Variants in NOTO observed in about 807,000 individuals in gnomAD.
NOTO encodes the protein notochord homeobox, also known as homeobox protein notochord.
Under a neutral mutation model 20.5 loss-of-function variants are expected in NOTO, and 19 were observed. That is an observed-to-expected ratio of 0.93 (90% confidence interval 0.65 to 1.36). NOTO has a LOEUF of 1.36. NOTO is among the 40% of genes most tolerant of loss of function. The pLI is 0.00. For missense variants in NOTO, 369 were observed against 336.2 expected, an observed-to-expected ratio of 1.10 and a Z score of -0.76; for synonymous variants, 150 against 150.2, an observed-to-expected ratio of 1.00 and a Z score of 0.01.
rs1483228816 is a variant in NOTO at position 73,208,536 on chromosome 2, A to C, written c.519A>C (p.Lys173Asn). 4 of 1,551,668 alleles carry C rather than the reference A, an allele frequency of 2.6e-6. No individual in the cohort carries two copies. The highest frequency in any genetic ancestry group is 1.2e-5 in the South Asian group (1 of 84,066). Residue 173 changes from lysine (K) to asparagine (N), a missense_variant, in exon 2 of 3, where the codon AAA becomes AAC. Physicochemically the swap from Lys to Asn is moderately conservative, Grantham distance 94. Transcript: ENST00000398468. ...TGGAGCAGCTGGAAGAGTTGGAGAA[A>C]GTGTTTGCAAAACAGCACAATCTGG... ...FNLEQLEELEKVFAKQHNLVG... is the reference protein window; with the variant it reads ...FNLEQLEELENVFAKQHNLVG...
intron 2 of NOTO, among the ~76,000 whole-genome samples, chr2:73,209,286 C>A (rs7587072): frequency 0.3 from 45,982 of 151,592 alleles, 7,189 homozygotes; most frequent in African/African-American, 0.38. Flanking sequence ...TATATAATTT[C>A]TCTGCTCCTT....
intron 1 of NOTO, among the ~76,000 whole-genome samples, chr2:73,205,880 T>C (rs772465227): frequency 1.3e-5 from 2 of 152,150 alleles, no homozygotes; most frequent in Non-Finnish European, 2.9e-5. Context: ...ACCACAGGCA[T>C]GCGCTACCAT....
intron 1 of NOTO, among the ~76,000 whole-genome samples, chr2:73,206,886 C>A (rs1667728531): frequency 6.7e-6 from 1 of 149,178 alleles, no homozygotes; most frequent in Admixed American, 6.8e-5. Context: ...CTTCCGCCTT[C>A]CAGGTTCAAG....
chr2:73,203,461 C>T (rs1445042870), intron 1 of NOTO, among the ~76,000 whole-genome samples: 2 of 140,200 alleles, frequency 1.4e-5, no homozygotes, highest in African/African-American at 6.0e-5. Flanking sequence ...ACCAATGGCC[C>T]TGTTTTTTTT....
chr2:73,208,321 C>T (rs963637727), intron 1 of NOTO, 79 bp from the exon 2 acceptor site: 5 of 932,660 alleles, frequency 5.4e-6, no homozygotes, highest in African/African-American at 4.9e-5. Context: ...TCTCATTTTG[C>T]CCAGATGGGA....
intron 1 of NOTO, among the ~76,000 whole-genome samples, chr2:73,207,976 C>T (rs1370764296): frequency 6.6e-6 from 1 of 152,198 alleles, no homozygotes; most frequent in Non-Finnish European, 1.5e-5. Flanking sequence ...TGAAACCATG[C>T]ATGACACACA....
In NOTO at chr2:73,210,882, A is replaced by C; in HGVS notation, c.709A>C (p.Ile237Leu). ...ASLDEPSSSSIASIQSDDAES... is the reference protein window; with the variant it reads ...ASLDEPSSSSLASIQSDDAES... ...CCTGGATGAGCCTTCCAGCAGCTCC[A>C]TCGCCAGTATCCAGAGTGATGATGC... Residue 237 changes from isoleucine (I) to leucine (L), a missense_variant, in exon 3 of 3, where the codon ATC becomes CTC. Ile to Leu is a conservative substitution (Grantham distance 5, BLOSUM62 2). Transcript: ENST00000398468. The C allele has an allele frequency of 6.4e-7, 1 of 1,551,656 alleles. No individual in the cohort carries two copies. The highest frequency in any genetic ancestry group is 8.7e-7 in the Non-Finnish European group (1 of 1,146,942).
intron 2 of NOTO, among the ~76,000 whole-genome samples, chr2:73,210,335 C>T (rs549812591): frequency 1.8e-3 from 271 of 148,472 alleles, no homozygotes; most frequent in Admixed American, 2.9e-3. Context: ...CAGACCTGCT[C>T]TTCTCTGTCC....
intron 1 of NOTO, 77 bp downstream of exon 1, chr2:73,203,125 A>G (rs954718981): frequency 2.4e-6 from 3 of 1,233,524 alleles, no homozygotes; most frequent in Non-Finnish European, 3.2e-6. Context: ...CCGGCGCCCC[A>G]GTGCAGGAGA....
At chr2:73,209,567 C>T (rs1686140054) in intron 2 of NOTO, among the ~76,000 whole-genome samples, 1 of 152,192 alleles carries the variant, frequency 6.6e-6, no homozygotes, top group Non-Finnish European at 1.5e-5. Flanking sequence ...AGACACCATG[C>T]TGTCTAGTTT....
Position 73,203,865 on chromosome 2 carries a change from C to CTAAAG in NOTO, c.382+817_382+818insTAAAG, listed in dbSNP as rs1419414059. Among the ~76,000 whole-genome samples the CTAAAG allele has an allele frequency of 2.5e-3, 338 of 136,420 alleles. 1 individual carries two copies. The highest frequency in any genetic ancestry group is 4.1e-3 in the African/African-American group (130 of 31,886). 89.5% of individuals were successfully genotyped at this position (136,420 alleles called of 152,430 possible). A position where few individuals can be genotyped will look rare whatever the true frequency, so the allele number is the denominator to read the frequency against. ...CCTGTAATCCCAGCACTTTGGGAGG[C>CTAAAG]CGAGACGGGCGGATCACGAGGTCAG... On this transcript the variant is annotated intron_variant, in intron 1 of 2. Coordinates refer to ENST00000398468, the MANE Select transcript of NOTO (RefSeq NM_001134462.2).
Position 73,211,251 on chromosome 2 carries a change from C to T in NOTO, c.*322C>T. 1 of 249,318 alleles carries T rather than the reference C, an allele frequency of 4.0e-6. No homozygotes were observed. The highest frequency in any genetic ancestry group is 7.7e-6 in the Non-Finnish European group (1 of 130,192). The allele number at this position is 249,318 out of a possible 1,614,324, so 15.4% of individuals were successfully genotyped here. A position where few individuals can be genotyped will look rare whatever the true frequency, so the allele number is the denominator to read the frequency against. ...GTCTGTAAAGCAATAATGTGCCATG[C>T]ACAGTGCAAAGTGTGTGGTTACTGT... On this transcript the variant is annotated 3_prime_UTR_variant, in exon 3 of 3. Coordinates refer to ENST00000398468, the MANE Select transcript of NOTO (RefSeq NM_001134462.2).
chr2:73,210,137 C>T (rs1686158330), intron 2 of NOTO, among the ~76,000 whole-genome samples: 1 of 152,200 alleles, frequency 6.6e-6, no homozygotes, highest in African/African-American at 2.4e-5. Context: ...CACGTAAAAG[C>T]CTCATGGGTG....
Position 73,202,990 on chromosome 2 carries a change from C to A in NOTO, c.324C>A (p.Tyr108Ter). 1.4e-6 allele frequency: 2 copies of A among 1,480,854 alleles called. No individual in the cohort carries two copies. Among genetic ancestry groups the A allele is most frequent in the African/African-American group, 1.5e-5 (1 of 68,294 alleles). The allele number at this position is 1,480,854 out of a possible 1,614,324, so 91.7% of individuals were successfully genotyped here. Residue 108 changes from tyrosine to a stop codon, truncating the protein, a stop_gained, in exon 1 of 3, where the codon TAC becomes TAA. Transcript: ENST00000398468. LOFTEE classifies it high-confidence loss of function. ...WLPAYLSVGF[Y>*]PVPGPRVAPV... ...CCGCCTACCTGAGCGTAGGTTTTTACCCTGTGCCAGGGCCGCGCGTGGCTC... is the reference window on the plus strand; with the variant it reads ...CCGCCTACCTGAGCGTAGGTTTTTAACCTGTGCCAGGGCCGCGCGTGGCTC...
At chr2:73,207,257 G>A (rs1390018021) in intron 1 of NOTO, among the ~76,000 whole-genome samples, 1 of 152,086 alleles carries the variant, frequency 6.6e-6, no homozygotes, top group African/African-American at 2.4e-5. Flanking sequence ...AGCCTAGTGG[G>A]CCCAGTGGTT....
intron 1 of NOTO, among the ~76,000 whole-genome samples, chr2:73,205,825 A>G (rs1200619435): frequency 6.6e-6 from 1 of 151,632 alleles, no homozygotes; most frequent in Non-Finnish European, 1.5e-5. Context: ...TTTTTTGTAG[A>G]GATGGAATCT....
chr2:73,208,370 T>C, intron 1 of NOTO, 30 bp from the exon 2 acceptor site: 1 of 1,499,948 alleles, frequency 6.7e-7, no homozygotes, highest in Non-Finnish European at 9.1e-7. Context: ...TGCTGCTGGA[T>C]AACCTCCCCT....
intron 1 of NOTO, among the ~76,000 whole-genome samples, chr2:73,204,296 A>G (rs1686055250): frequency 6.6e-6 from 1 of 152,120 alleles, no homozygotes; most frequent in African/African-American, 2.4e-5. Flanking sequence ...AAATCAACAA[A>G]AAAAAGTAAC....
rs1339755225 is a variant in NOTO at position 73,202,704 on chromosome 2, C to G, written c.38C>G (p.Ala13Gly). ...AGGCCGCGAGGCAGCCCGCCACCCG[C>G]TCCCTCGGGCTCTCGGGTCCGACCT... Reference protein sequence around the residue: ...SPRPRGSPPPAPSGSRVRPPR... With the variant: ...SPRPRGSPPPGPSGSRVRPPR... The change falls in exon 1 of 3, where the codon GCT becomes GGT. Residue 13 changes from alanine (A) to glycine (G), a missense_variant. By Grantham distance (60) the Ala-to-Gly change is moderately conservative (BLOSUM62 0). Transcript: ENST00000398468. The G allele has an allele frequency of 6.6e-6, 10 of 1,512,674 alleles. No individual in the cohort carries two copies. Among genetic ancestry groups the G allele is most frequent in the Non-Finnish European group, 6.2e-6 (7 of 1,136,940 alleles). The allele number at this position is 1,512,674 out of a possible 1,614,324, so 93.7% of individuals were successfully genotyped here.
Sources: allele counts gnomAD v4.1 joint callset (sites outside exome capture counted in the v4.1 genomes callset), GRCh38; gene constraint gnomAD v4.1.1; transcripts MANE v1.5; gene names NCBI Gene and HGNC (gene_info 2026-07-23, HGNC 2026-07-21).